The following EML3 variants were observed in gnomAD, a reference collection of about 807,000 sequenced individuals.
EML3 encodes EMAP like 3.
In EML3, 53 loss-of-function variants were observed where a neutral mutation model predicts 106.7. That is an observed-to-expected ratio of 0.50 (90% CI 0.40 to 0.62). EML3 has a LOEUF of 0.62. EML3 is among the 20% of genes least tolerant of loss of function. EML3 has a pLI of 0.00. For missense variants in EML3, 994 were observed against 1,209.1 expected, an observed-to-expected ratio of 0.82 and a Z score of 2.64; for synonymous variants, 499 against 489.6, an observed-to-expected ratio of 1.02 and a Z score of -0.25.
Position 62,603,969 on chromosome 11 carries a change from T to C in EML3, c.2144A>G (p.Lys715Arg), listed in dbSNP as rs1942383799. The change falls in exon 18 of 22, where the codon AAA (lysine) becomes AGA (arginine). Residue 715 changes from lysine (K) to arginine (R), a missense_variant. Lys to Arg is a conservative substitution (Grantham distance 26). Around this residue, in one of 3 missense-constraint regions of EML3, gnomAD observed 713 missense variants for 920.5 expected, o/e 0.77. Coordinates refer to ENST00000394773, the MANE Select transcript of EML3 (RefSeq NM_153265.3). ...YIYSVSSDGA[K>R]SSRFGRCMGH... ...CATACAGCGGCCAAAGCGGCTGGAT[T>C]TGGCACCATCACTGGAAACACTATA... 6.2e-7 allele frequency: 1 copy of C among 1,613,936 alleles called. No homozygotes were observed. Among genetic ancestry groups the C allele is most frequent in the Non-Finnish European group, 8.5e-7 (1 of 1,180,030 alleles).
Position 62,602,403 on chromosome 11 carries a change from G to T in EML3, c.*72C>A. 2 of 1,549,692 alleles carry T rather than the reference G, an allele frequency of 1.3e-6. No individual in the cohort carries two copies. Among genetic ancestry groups the T allele is most frequent in the Non-Finnish European group, 1.7e-6 (2 of 1,145,568 alleles). ...GGAAAGAGTCGGCCCCTAGTCGTGG[G>T]GGATTGGGCCAGGGAAGGGCAGGGC... On this transcript the variant is annotated 3_prime_UTR_variant, in exon 22 of 22. Transcript: ENST00000394773.
Position 62,606,965 on chromosome 11 carries a change from G to A in EML3, c.1497C>T (p.Gly499=), listed in dbSNP as rs77867649. 1.0e-4 allele frequency: 165 copies of A among 1,613,156 alleles called. No homozygotes were observed. In the African/African-American group the frequency reaches 1.2e-3, roughly 12 times the overall value. ...PSDSKTPGRG[G]AKETYGIVAQ... is the part of the protein sequence containing the mutation. The stretch of plus-strand genomic sequence containing the variant: ...CCCCTCCCAGCCACATACCTTTGGC[G>A]CCACCCCTGCCTGGGGTCTTGGAAT... Residue 499 remains glycine (G), a synonymous_variant, in exon 12 of 22, where the codon GGC becomes GGT. Transcript: ENST00000394773.
Position 62,609,663 on chromosome 11 carries a change from C to A in EML3, c.600G>T (p.Gly200=). 6.2e-7 allele frequency: 1 copy of A among 1,608,188 alleles called. No individual in the cohort carries two copies. The highest frequency in any genetic ancestry group is 8.5e-7 in the Non-Finnish European group (1 of 1,177,390). ...RGGKDPLSSP[G]GPGSRRSNYN... ...AATTGCTCCTCCGAGATCCAGGGCCCCCAGGGCTGGAGAGGGGGTCTTTTC... is the reference window on the plus strand; with the variant it reads ...AATTGCTCCTCCGAGATCCAGGGCCACCAGGGCTGGAGAGGGGGTCTTTTC... Residue 200 remains glycine, a synonymous_variant, in exon 5 of 22, where the codon GGG becomes GGT. Transcript: ENST00000394773.
intron 6 of EML3, 73 bp from the exon 7 acceptor site, chr11:62,609,205 C>A: frequency 3.8e-6 from 6 of 1,596,412 alleles, no homozygotes; most frequent in Non-Finnish European, 4.3e-6. Context: ...AAAGACAGAG[C>A]TTCTGGCTGG....
In EML3 at chr11:62,605,666, T is replaced by A. The variant is rs1226738347; in HGVS notation, c.1890A>T (p.Ala630=). 6.3e-7 allele frequency: 1 copy of A among 1,578,834 alleles called. No individual in the cohort carries two copies. Among genetic ancestry groups the A allele is most frequent in the African/African-American group, 1.3e-5 (1 of 74,274 alleles). ...QLCLWDGESH[A]LAWSIDLKET... is the part of the protein sequence containing the mutation. ...CCTTGAGGTCGATGCTCCAGGCCAG[T>A]GCATGGCTCTCCCCATCCCACAGGC... The change falls in exon 15 of 22, where the codon GCA becomes GCT. Residue 630 remains alanine, a synonymous_variant. Transcript: ENST00000394773. This position sits in a 1 kb window ranked among gnomAD's most constrained non-coding sequence, Gnocchi z 5.2.
Position 62,611,168 on chromosome 11 carries a change from C to T in EML3, c.371G>A (p.Gly124Glu). ...EEPSGTQSEG[G>E]GSSSSGAGSP... ...GCCAGCACCACTGCTGCTGCTGCCC[C>T]CTCCTTCAGATTGGGTCCCGCTAGG... The change falls in exon 3 of 22, where the codon GGG becomes GAG. Residue 124 changes from glycine (G) to glutamate (E), a missense_variant. By Grantham distance (98) the Gly-to-Glu change is moderately conservative (BLOSUM62 -2). Around this residue, in one of 3 missense-constraint regions of EML3, gnomAD observed 269 missense variants for 265.1 expected, o/e 1.01. Transcript: ENST00000394773. The T allele has an allele frequency of 1.2e-6, 2 of 1,604,982 alleles. No homozygotes were observed. The highest frequency in any genetic ancestry group is 2.2e-5 in the South Asian group (2 of 90,758).
At chr11:62,602,737 C>A (rs773879186) in intron 21 of EML3, 22 bp downstream of exon 21, 12 of 1,608,954 alleles carry the variant, frequency 7.5e-6, no homozygotes, top group Non-Finnish European at 1.0e-5. Flanking sequence ...CGGTCCCACC[C>A]CGGCGATCCC....
At position 62,608,249 on chromosome 11, in the gene EML3, C is replaced by CA. The variant is rs1456723979; in HGVS notation, c.1157dup (p.Met386IlefsTer15). On this transcript the variant is annotated frameshift_variant, in exon 10 of 22. Coordinates refer to ENST00000394773, the MANE Select transcript of EML3 (RefSeq NM_153265.3). LOFTEE classifies it high-confidence loss of function. ...CCCGGCTGCAGTCCCACACCGACAG[C>CA]ATGTGCTCATTGGAATCATCCACCA... 6.2e-7 allele frequency: 1 copy of CA among 1,614,026 alleles called. No individual in the cohort carries two copies. The highest frequency in any genetic ancestry group is 2.2e-5 in the East Asian group (1 of 44,878).
At chr11:62,611,842 G>C in intron 1 of EML3, 1 of 551,864 alleles carries the variant, frequency 1.8e-6, no homozygotes, top group African/African-American at 1.9e-5. Flanking sequence ...GCAAAGACTG[G>C]GAGTACCATG....
At position 62,610,016 on chromosome 11, in the gene EML3, G is replaced by T. The variant is rs368409143; in HGVS notation, c.567-320C>A. On this transcript the variant is annotated intron_variant, in intron 4 of 21. Transcript: ENST00000394773. ...TCTGTCGCCCAGGCTGGAGTGCAGT[G>T]GTGCGACCTCAGCTCACTGCAACCT... Among the ~76,000 whole-genome samples the T allele has an allele frequency of 1.1e-3, 161 of 152,314 alleles. 5 individuals are homozygous for T. The South Asian group carries it at 0.032, about 31-fold the overall frequency.
Position 62,603,753 on chromosome 11 carries a change from A to G in EML3, c.2233T>C (p.Ser745Pro), listed in dbSNP as rs1425074578. The G allele has an allele frequency of 6.2e-7, 1 of 1,613,992 alleles. No homozygotes were observed. Among genetic ancestry groups the G allele is most frequent in the Non-Finnish European group, 8.5e-7 (1 of 1,180,024 alleles). The change falls in exon 19 of 22, where the codon TCT (serine) becomes CCT (proline). Residue 745 changes from serine to proline, a missense_variant. Around this residue, in one of 3 missense-constraint regions of EML3, gnomAD observed 713 missense variants for 920.5 expected, o/e 0.77. Coordinates refer to ENST00000394773, the MANE Select transcript of EML3 (RefSeq NM_153265.3). ...CAGTAAAGAATCTCATAGTCCCCAG[A>G]ATTGGACATGATGAAATTCCCATCC... ...SKDGNFIMSN[S>P]GDYEILYWDV...
chr11:62,612,131 C>A, intron 1 of EML3: 1 of 492,582 alleles, frequency 2.0e-6, no homozygotes, highest in South Asian at 2.6e-5. Flanking sequence ...TCTCAGGGGG[C>A]AGTGGGGATC....
rs184228180 is a variant in EML3, at chr11:62,611,370, T to A, written c.195-26A>T. 106 of 1,613,458 alleles carry A rather than the reference T, an allele frequency of 6.6e-5. No individual in the cohort carries two copies. The East Asian group carries it at 1.8e-3, about 27-fold the overall frequency. On this transcript the variant is annotated intron_variant, in intron 2 of 21. Transcript: ENST00000394773. ...CTGCTGGAGAGATGTTGAATTAACC[T>A]GAAGCCCCAGAGGCCCCAAGGAGGA... is the stretch of plus-strand genomic sequence containing the variant.
intron 4 of EML3, among the ~76,000 whole-genome samples, chr11:62,610,666 C>T (rs558971383): frequency 6.6e-6 from 1 of 152,324 alleles, no homozygotes; most frequent in East Asian, 1.9e-4. Context: ...GACCACCTAA[C>T]CCCCAAGGAT....
chr11:62,608,475 C>T, intron 9 of EML3, 67 bp downstream of exon 9: 2 of 1,523,766 alleles, frequency 1.3e-6, no homozygotes, highest in Non-Finnish European at 1.8e-6. Flanking sequence ...CCAAGGCTTC[C>T]TGGTGACATG....
At chr11:62,611,917 A>G (rs1942851068) in intron 1 of EML3, 1 of 429,142 alleles carries the variant, frequency 2.3e-6, no homozygotes, top group Non-Finnish European at 4.2e-6. Flanking sequence ...GAGGCGCCGC[A>G]CTGGTGAGGG....
intron 19 of EML3, 42 bp downstream of exon 19, chr11:62,603,687 T>A: frequency 1.3e-6 from 2 of 1,573,026 alleles, no homozygotes; most frequent in Admixed American, 3.4e-5. Context: ...CAAAACCCAC[T>A]CCAATTACCC....
Position 62,606,943 on chromosome 11 carries a change from CT to C in EML3, c.1504+14del. ...GGAGTACTACACTTCCCAGATGCCC[CT>C]CCCAGCCACATACCTTTGGCGCCAC... On this transcript the variant is annotated intron_variant, in intron 12 of 21. Transcript: ENST00000394773. 1 of 1,612,340 alleles carries C rather than the reference CT, an allele frequency of 6.2e-7. No homozygotes were observed.
At chr11:62,610,268 T>C (rs1038166045) in intron 4 of EML3, among the ~76,000 whole-genome samples, 18 of 152,228 alleles carry the variant, frequency 1.2e-4, no homozygotes, top group African/African-American at 2.9e-4. Context: ...AGTAAAGTGA[T>C]ACTGTCTCTT....
Sources: allele counts gnomAD v4.1 joint callset (sites outside exome capture counted in the v4.1 genomes callset), GRCh38; gene constraint gnomAD v4.1.1; regional missense constraint gnomAD v4.1.1; non-coding constraint Gnocchi (gnomAD v3.1); transcripts MANE v1.5; gene names NCBI Gene and HGNC (gene_info 2026-07-23, HGNC 2026-07-21).